GSS: variants seen among roughly 807,000 people sequenced by gnomAD.
GSS encodes the protein glutathione synthetase, also known as GSH synthetase.
Under a neutral mutation model 60.4 loss-of-function variants are expected in GSS, and 34 were observed. That is an observed-to-expected ratio of 0.56 (90% CI 0.43 to 0.75). The LOEUF is 0.75. GSS is among the 30% of genes least tolerant of loss of function. GSS has a pLI of 0.00. For synonymous variants in GSS, 224 were observed against 239.0 expected (o/e 0.94, Z 0.58); for missense variants, 499 against 595.1 (o/e 0.84, Z 1.68).
chr20:34,928,763 TCAGG>T lies in GSS; in HGVS notation c.*61_*64del. On this transcript the variant is annotated 3_prime_UTR_variant, in exon 13 of 13. Transcript: ENST00000651619. ...TTGGAGGTCTTTAGGAGGATACCCC[TCAGG>T]AGGGCTAGGAGAGGAATGACAAATA... 1 of 1,592,138 alleles carries T rather than the reference TCAGG, an allele frequency of 6.3e-7. No individual in the cohort carries two copies. The highest frequency in any genetic ancestry group is 1.1e-5 in the South Asian group (1 of 90,424).
At chr20:34,952,050 T>G (rs766739765) in intron 1 of GSS, 190 bp from the exon 2 acceptor site, 2 of 639,228 alleles carry the variant, frequency 3.1e-6, no homozygotes, top group Non-Finnish European at 5.7e-6. Flanking sequence ...AATAGAAAGC[T>G]TGACAAAGCA....
intron 6 of GSS, among the ~76,000 whole-genome samples, chr20:34,939,651 T>C (rs1402593414): frequency 6.6e-6 from 1 of 151,950 alleles, no homozygotes; most frequent in African/African-American, 2.4e-5. Flanking sequence ...GCTATTATTA[T>C]TATTATTTGG....
chr20:34,947,731 G>T (rs554363874), intron 2 of GSS, among the ~76,000 whole-genome samples: 1 of 150,630 alleles, frequency 6.6e-6, no homozygotes, highest in African/African-American at 2.4e-5. Context: ...TCTACTCTTA[G>T]GATATACCAT....
At chr20:34,946,175 G>A (rs1600388817) in intron 2 of GSS, 77 bp from the exon 3 acceptor site, 1 of 1,267,472 alleles carries the variant, frequency 7.9e-7, no homozygotes, top group Admixed American at 1.8e-5. Context: ...GGAATCCCAT[G>A]GAAAGTCTGG....
chr20:34,932,773 C>T (rs2081411746), intron 9 of GSS, among the ~76,000 whole-genome samples: 1 of 152,160 alleles, frequency 6.6e-6, no homozygotes, highest in South Asian at 2.1e-4. Context: ...CTAAAACACA[C>T]ACATGCACAC....
At chr20:34,950,104 T>C (rs2081556822) in intron 2 of GSS, 1 of 151,796 alleles carries the variant, frequency 6.6e-6, no homozygotes, top group South Asian at 2.1e-4. Context: ...ACGCCTTTTC[T>C]AGGCTCCATA....
At chr20:34,930,500 C>A (rs1373161307) in intron 11 of GSS, among the ~76,000 whole-genome samples, 3 of 152,122 alleles carry the variant, frequency 2.0e-5, no homozygotes, top group Non-Finnish European at 4.4e-5. Flanking sequence ...CTCCAGTTGG[C>A]CCCATAGTCA....
intron 1 of GSS, 119 bp downstream of exon 1, chr20:34,955,608 G>GT (rs2081619831): frequency 1.3e-5 from 2 of 152,366 alleles, no homozygotes; most frequent in Non-Finnish European, 1.5e-5. Context: ...CCTACGAAGG[G>GT]TTTCAGCCAC....
chr20:34,948,840 A>G (rs1163478270), intron 2 of GSS, among the ~76,000 whole-genome samples: 1 of 152,122 alleles, frequency 6.6e-6, no homozygotes, highest in African/African-American at 2.4e-5. Flanking sequence ...CACGTGCATG[A>G]CAAAATTCTG....
chr20:34,944,216 C>G (rs1324289258), intron 3 of GSS, among the ~76,000 whole-genome samples: 1 of 152,158 alleles, frequency 6.6e-6, no homozygotes, highest in Non-Finnish European at 1.5e-5. Flanking sequence ...TTGTAGGGGG[C>G]TCTTCTCCCT....
At position 34,936,832 on chromosome 20, in the gene GSS, T is replaced by C. The variant is rs943420725; in HGVS notation, c.698A>G (p.His233Arg). Residue 233 changes from histidine to arginine, a missense_variant, in exon 8 of 13, where the codon CAT (histidine) becomes CGT (arginine). By Grantham distance (29) the His-to-Arg change is conservative. Coordinates refer to ENST00000651619, the MANE Select transcript of GSS (RefSeq NM_000178.4). ...ATCTTCAAATGTTCGTCGGATCACA[T>C]GGATGTTCCTGGGAAAAATGGGCAA... ...IENELLARNI[H>R]VIRRTFEDIS... is the part of the protein sequence containing the mutation. 1.9e-6 allele frequency: 3 copies of C among 1,613,976 alleles called. No individual in the cohort carries two copies. Among genetic ancestry groups the C allele is most frequent in the African/African-American group, 2.7e-5 (2 of 74,938 alleles).
intron 1 of GSS, chr20:34,952,170 T>C: frequency 2.5e-6 from 1 of 406,468 alleles, no homozygotes. Context: ...ATGACTGGTA[T>C]AGCCTGGACT....
At chr20:34,942,662 C>G in intron 4 of GSS, 35 bp from the exon 5 acceptor site, 1 of 1,610,708 alleles carries the variant, frequency 6.2e-7, no homozygotes, top group Non-Finnish European at 8.5e-7. Flanking sequence ...AGTACCTGCC[C>G]AGGGACTGAC....
chr20:34,935,356 A>C (rs904442981), intron 9 of GSS, among the ~76,000 whole-genome samples: 10 of 152,198 alleles, frequency 6.6e-5, no homozygotes, highest in Non-Finnish European at 1.3e-4. Flanking sequence ...TAAATGGCTG[A>C]AGCTCTGTGG....
Position 34,942,553 on chromosome 20 carries a change from C to T in GSS, c.426G>A (p.Gln142=), listed in dbSNP as rs772037686. The T allele has an allele frequency of 6.2e-7, 1 of 1,614,064 alleles. No homozygotes were observed. Among genetic ancestry groups the T allele is most frequent in the Admixed American group, 1.7e-5 (1 of 60,028 alleles). The change falls in exon 5 of 13, where the codon CAG becomes CAA. Residue 142 remains glutamine (Q), a synonymous_variant. Coordinates refer to ENST00000651619, the MANE Select transcript of GSS (RefSeq NM_000178.4). ...TGGCAGAGATGGTGTTGATTTCGATCTGTTTCAGGGCTGGGGAGCCATCTG... is the reference window on the plus strand; with the variant it reads ...TGGCAGAGATGGTGTTGATTTCGATTTGTTTCAGGGCTGGGGAGCCATCTG... The part of the protein sequence containing the change: ...RSADGSPALK[Q]IEINTISASF...
Position 34,943,012 on chromosome 20 carries a change from G to A in GSS, c.276-6C>T, listed in dbSNP as rs1012346131. The A allele has an allele frequency of 6.2e-7, 1 of 1,601,804 alleles. No homozygotes were observed. The highest frequency in any genetic ancestry group is 1.3e-5 in the African/African-American group (1 of 74,848). The stretch of plus-strand genomic sequence containing the variant: ...AGTCATCCTGTTTGATGGTGCTGGA[G>A]GAAGAAACAGAGAACATTTTGCAGG... On this transcript the variant is annotated splice_polypyrimidine_tract_variant and splice_region_variant and intron_variant, in intron 3 of 12. Transcript: ENST00000651619.
chr20:34,928,567 A>G lies in GSS; in HGVS notation c.*261T>C. 1 of 551,258 alleles carries G rather than the reference A, an allele frequency of 1.8e-6. No individual in the cohort carries two copies. Among genetic ancestry groups the G allele is most frequent in the Non-Finnish European group, 3.3e-6 (1 of 306,020 alleles). 34.1% of individuals were successfully genotyped at this position (551,258 alleles called of 1,614,324 possible). A position where few individuals can be genotyped will look rare whatever the true frequency, so the allele number is the denominator to read the frequency against. On this transcript the variant is annotated 3_prime_UTR_variant, in exon 13 of 13. Transcript: ENST00000651619. ...CTGAAAAGGCTGATGAGGGGCTGAC[A>G]GGAGTGGGGCAGGGTTCATGGACCT... is the stretch of plus-strand genomic sequence containing the variant.
chr20:34,943,590 T>C (rs1227559479), intron 3 of GSS, among the ~76,000 whole-genome samples: 1 of 152,202 alleles, frequency 6.6e-6, no homozygotes, highest in Non-Finnish European at 1.5e-5. Context: ...TTTTTTTGTT[T>C]GTTTGTTTCT....
intron 10 of GSS, chr20:34,931,634 A>T: frequency 1.6e-6 from 1 of 642,396 alleles, no homozygotes; most frequent in South Asian, 1.8e-5. Flanking sequence ...GCAACAGCTC[A>T]GGGCTCTGCA....
Sources: gnomAD v4.1 joint callset for allele counts (sites outside exome capture counted in the v4.1 genomes callset) on GRCh38, gnomAD v4.1.1 for gene constraint, MANE v1.5 for transcripts, NCBI Gene and HGNC (gene_info 2026-07-23, HGNC 2026-07-21) for gene names.